Variants in ATPAF1 observed in about 807,000 individuals in gnomAD.
ATPAF1 encodes the protein ATP synthase mitochondrial F1 complex assembly factor 1.
A neutral mutation model predicts 43.9 loss-of-function variants in ATPAF1; 26 were observed. The observed-to-expected ratio is 0.59, with a 90% CI of 0.43 to 0.82. The LOEUF (loss-of-function observed/expected upper bound fraction) is 0.82. ATPAF1 is among the 40% of genes least tolerant of loss of function. The pLI is 0.00. For missense variants in ATPAF1, 366 were observed against 435.0 expected (o/e 0.84, Z 1.41); for synonymous variants, 157 against 168.0 (o/e 0.93, Z 0.50).
In ATPAF1 at chr1:46,645,753, T is replaced by C. The variant is rs138845416; in HGVS notation, c.589-497A>G. Among the ~76,000 whole-genome samples the C allele has an allele frequency of 2.6e-4, 40 of 152,366 alleles. No individual in the cohort carries two copies. In the East Asian group the frequency reaches 3.9e-3, roughly 15 times the overall value. ...ACCTAAGAAAGCATCAGAAATACAA[T>C]TGAGGTTCCCTCTGCATTCCCTTCT... is the stretch of plus-strand genomic sequence containing the variant. On this transcript the variant is annotated intron_variant, in intron 6 of 8. Transcript: ENST00000574428.
Position 46,648,187 on chromosome 1 carries a change from CT to C in ATPAF1, c.589-2932del, listed in dbSNP as rs1275958179. Among the ~76,000 whole-genome samples, 3 of 152,316 alleles carry C rather than the reference CT, an allele frequency of 2.0e-5. No homozygotes were observed. In the South Asian group the frequency reaches 6.2e-4, roughly 32 times the overall value. ...AGTGCTGTGGTGTGACCTCGGCTCACTGCAGTCCCTGCCTCCCAGGTTCAAG... is the reference window on the plus strand; with the variant it reads ...AGTGCTGTGGTGTGACCTCGGCTCACGCAGTCCCTGCCTCCCAGGTTCAAG... On this transcript the variant is annotated intron_variant, in intron 6 of 8. Transcript: ENST00000574428.
chr1:46,658,192 TG>T lies in ATPAF1; in HGVS notation c.427-4del. 6.3e-7 allele frequency: 1 copy of T among 1,592,914 alleles called. No individual in the cohort carries two copies. The highest frequency in any genetic ancestry group is 8.5e-7 in the Non-Finnish European group (1 of 1,171,572). On this transcript the variant is annotated splice_region_variant and splice_polypyrimidine_tract_variant and intron_variant, in intron 3 of 8. Transcript: ENST00000574428. ...ATGTTAAAGATTGAACTGAGAGTCT[TG>T]AAAGAGACAATAAAAAGCAATTAAC...
chr1:46,661,105 C>T (rs1444865339), intron 2 of ATPAF1, among the ~76,000 whole-genome samples: 2 of 151,084 alleles, frequency 1.3e-5, no homozygotes, highest in Non-Finnish European at 3.0e-5. Context: ...CAGAGTCTCA[C>T]TCTGTCGCCC....
chr1:46,651,399 T>C (rs1423632362), intron 6 of ATPAF1, among the ~76,000 whole-genome samples: 1 of 152,164 alleles, frequency 6.6e-6, no homozygotes. Context: ...CAGTCTATCA[T>C]TGTTGGACAT....
chr1:46,660,478 G>C (rs1676367541), intron 2 of ATPAF1, among the ~76,000 whole-genome samples: 1 of 152,006 alleles, frequency 6.6e-6, no homozygotes, highest in Non-Finnish European at 1.5e-5. Flanking sequence ...AAGTATAAGC[G>C]TATTGCATTT....
At chr1:46,654,110 T>C (rs1039665732) in intron 4 of ATPAF1, among the ~76,000 whole-genome samples, 3 of 152,230 alleles carry the variant, frequency 2.0e-5, no homozygotes, top group African/African-American at 7.2e-5. Flanking sequence ...TCTCTGACTT[T>C]AAAAGTCATT....
chr1:46,663,718 G>T, intron 2 of ATPAF1: 1 of 385,788 alleles, frequency 2.6e-6, no homozygotes, highest in Non-Finnish European at 3.9e-6. Context: ...AGACTCAGCA[G>T]ATTCACTTAA....
At chr1:46,646,726 A>G (rs566518311) in intron 6 of ATPAF1, among the ~76,000 whole-genome samples, 94 of 152,322 alleles carry the variant, frequency 6.2e-4, no homozygotes, top group African/African-American at 2.3e-3. Flanking sequence ...AACAAAGTGC[A>G]CATATTTAAA....
intron 7 of ATPAF1, 99 bp from the exon 8 acceptor site, chr1:46,643,400 CA>C (rs35508143): frequency 2.0e-5 from 19 of 941,246 alleles, no homozygotes; most frequent in African/African-American, 3.3e-5. Context: ...TGGCTCTTAA[CA>C]GCCCCTTGGG....
intron 4 of ATPAF1, among the ~76,000 whole-genome samples, chr1:46,655,503 G>A (rs541825298): frequency 6.6e-6 from 1 of 152,164 alleles, no homozygotes; most frequent in Admixed American, 6.5e-5. Flanking sequence ...AGGAAAAAAT[G>A]CCCATAGTCC....
Position 46,653,552 on chromosome 1 carries a change from C to A in ATPAF1, c.540+265G>T, listed in dbSNP as rs1676208906. Among the ~76,000 whole-genome samples, 1 of 152,134 alleles carries A rather than the reference C, an allele frequency of 6.6e-6. No individual in the cohort carries two copies. Among genetic ancestry groups the A allele is most frequent in the Non-Finnish European group, 1.5e-5 (1 of 68,026 alleles). On this transcript the variant is annotated intron_variant, in intron 5 of 8. Coordinates refer to ENST00000574428, the Ensembl canonical transcript of ATPAF1. The surrounding 1 kb of genome is among the most constrained non-coding windows in gnomAD (Gnocchi z 4.8). ...AAAAAGACATCTGGAAATTACTCAG[C>A]AACATGAACTTATACCACGCTCCCT... is the stretch of plus-strand genomic sequence containing the variant.
chr1:46,644,349 AAAT>A (rs1338598877), intron 7 of ATPAF1, among the ~76,000 whole-genome samples: 1 of 152,238 alleles, frequency 6.6e-6, no homozygotes, highest in East Asian at 1.9e-4. Flanking sequence ...ATGTAATTAG[AAAT>A]AATAACAGTA....
Position 46,662,845 on chromosome 1 carries a change from A to G in ATPAF1, c.375+2411T>C, listed in dbSNP as rs141622312. ...TGTACACAACGTGCAGGTTTGTTAC[A>G]TATCTATACATGTACCATGTTGGTG... is the stretch of plus-strand genomic sequence containing the variant. On this transcript the variant is annotated intron_variant, in intron 2 of 8. Coordinates refer to ENST00000574428, the Ensembl canonical transcript of ATPAF1. Among the ~76,000 whole-genome samples, 903 of 152,048 alleles carry G rather than the reference A, an allele frequency of 5.9e-3. 6 individuals carry two copies. The highest frequency in any genetic ancestry group is 9.8e-3 in the Non-Finnish European group (669 of 67,964).
chr1:46,640,771 C>T (rs1477371718), intron 8 of ATPAF1, among the ~76,000 whole-genome samples: 1 of 152,212 alleles, frequency 6.6e-6, no homozygotes, highest in Non-Finnish European at 1.5e-5. Context: ...AGTTTGCTGA[C>T]GCTTGTCCTA....
chr1:46,662,904 G>A (rs1419251851), intron 2 of ATPAF1, among the ~76,000 whole-genome samples: 2 of 151,934 alleles, frequency 1.3e-5, no homozygotes, highest in Non-Finnish European at 2.9e-5. Context: ...TTAACATTAG[G>A]TATATCTCCT....
chr1:46,661,796 CTAGA>C (rs553609357), intron 2 of ATPAF1, among the ~76,000 whole-genome samples: 37 of 152,090 alleles, frequency 2.4e-4, no homozygotes, highest in African/African-American at 8.4e-4. Flanking sequence ...CTCTATCTAG[CTAGA>C]TACAGAAGAT....
At chr1:46,660,088 C>T (rs1307422280) in intron 2 of ATPAF1, among the ~76,000 whole-genome samples, 1 of 151,874 alleles carries the variant, frequency 6.6e-6, no homozygotes, top group Non-Finnish European at 1.5e-5. Context: ...GTGATTCTCC[C>T]ACCTCAGTCT....
chr1:46,661,818 G>T (rs1676392648), intron 2 of ATPAF1, among the ~76,000 whole-genome samples: 1 of 151,720 alleles, frequency 6.6e-6, no homozygotes, highest in African/African-American at 2.4e-5. Context: ...GATAGCAAGT[G>T]AATATTTACC....
intron 6 of ATPAF1, among the ~76,000 whole-genome samples, chr1:46,648,602 G>C (rs1676101190): frequency 6.6e-6 from 1 of 152,078 alleles, no homozygotes; most frequent in African/African-American, 2.4e-5. Flanking sequence ...TTCTTTTATA[G>C]TTTGTGCTTT....
Sources: gnomAD v4.1 joint callset for allele counts (sites outside exome capture counted in the v4.1 genomes callset) on GRCh38, gnomAD v4.1.1 for gene constraint, Gnocchi (gnomAD v3.1) non-coding constraint, MANE v1.5 for transcripts, NCBI Gene and HGNC (gene_info 2026-07-23, HGNC 2026-07-21) for gene names.